Variants in DLEU7 observed in about 807,000 individuals in gnomAD.
The protein encoded by DLEU7 is leukemia-associated protein 7.
Under a neutral mutation model 16.0 loss-of-function variants are expected in DLEU7, and 17 were observed. The ratio of observed to expected loss-of-function variants is 1.06; its 90% confidence interval spans 0.73 to 1.59. The LOEUF is 1.59. Ranked by LOEUF, DLEU7 falls within the 40% of genes most tolerant of loss-of-function variation. DLEU7 has a pLI of 0.00. For missense variants in DLEU7, 308 were observed against 314.9 expected, an observed-to-expected ratio of 0.98 and a Z score of 0.17; for synonymous variants, 113 against 139.8, an observed-to-expected ratio of 0.81 and a Z score of 1.35.
chr13:50,806,948 G>C (rs1876405826), intron 1 of DLEU7, among the ~76,000 whole-genome samples: 1 of 129,684 alleles, frequency 7.7e-6, no homozygotes, highest in East Asian at 2.1e-4. Flanking sequence ...CTGCACTCTA[G>C]CCTGGGTGAC....
At chr13:50,712,770 C>A (rs532534465) in exon 2 of DLEU7, 65 of 162,416 alleles carry the variant, frequency 4.0e-4, no homozygotes, top group Non-Finnish European at 8.2e-4. Flanking sequence ...CCTCTATCTC[C>A]TTTTGAATTC....
At chr13:50,762,185 G>A (rs1415490058) in intron 1 of DLEU7, among the ~76,000 whole-genome samples, 2 of 85,916 alleles carry the variant, frequency 2.3e-5, no homozygotes, top group Non-Finnish European at 4.0e-5. Flanking sequence ...AGCGAGACTC[G>A]TCTCAAAAAA....
At chr13:50,804,743 G>T (rs1401340152) in intron 1 of DLEU7, among the ~76,000 whole-genome samples, 1 of 152,046 alleles carries the variant, frequency 6.6e-6, no homozygotes, top group Non-Finnish European at 1.5e-5. Flanking sequence ...ACCACGTCCA[G>T]CCAGTTAAAG....
intron 1 of DLEU7, among the ~76,000 whole-genome samples, chr13:50,781,685 AC>A (rs1875652592): frequency 6.6e-6 from 1 of 152,042 alleles, no homozygotes; most frequent in Non-Finnish European, 1.5e-5. Context: ...GATCTAGACC[AC>A]GCCTGTCTTT....
At chr13:50,830,860 C>T (rs181587467) in intron 1 of DLEU7, among the ~76,000 whole-genome samples, 1 of 152,104 alleles carries the variant, frequency 6.6e-6, no homozygotes, top group Non-Finnish European at 1.5e-5. Context: ...TTCATTCCTT[C>T]AAGAGCACTG....
chr13:50,817,846 A>G (rs920659541), intron 1 of DLEU7, among the ~76,000 whole-genome samples: 1 of 152,074 alleles, frequency 6.6e-6, no homozygotes, highest in Non-Finnish European at 1.5e-5. Context: ...AGATAAGCTG[A>G]TCTGGGAGCT....
chr13:50,741,108 G>A (rs111547817), intron 1 of DLEU7, among the ~76,000 whole-genome samples: 200 of 152,246 alleles, frequency 1.3e-3, no homozygotes, highest in African/African-American at 3.6e-3. Flanking sequence ...TCTTCTCAAC[G>A]TATTTCTACT....
chr13:50,715,746 C>T (rs1349039133), intron 1 of DLEU7, among the ~76,000 whole-genome samples: 4 of 152,210 alleles, frequency 2.6e-5, no homozygotes, highest in Admixed American at 1.3e-4. Context: ...CCGAAGATTC[C>T]ACTTGAGAAA....
chr13:50,768,206 G>A (rs991181111), intron 1 of DLEU7, among the ~76,000 whole-genome samples: 3 of 152,002 alleles, frequency 2.0e-5, no homozygotes, highest in Admixed American at 6.6e-5. Context: ...TTATGTATGT[G>A]TGTGTGTACG....
intron 1 of DLEU7, among the ~76,000 whole-genome samples, chr13:50,748,797 C>G (rs1039139236): frequency 1.3e-5 from 2 of 152,102 alleles, no homozygotes; most frequent in South Asian, 4.1e-4. Context: ...AAAAGAGAGG[C>G]GAAATATCTA....
chr13:50,790,116 A>G (rs1211126913), intron 1 of DLEU7, among the ~76,000 whole-genome samples: 1 of 151,944 alleles, frequency 6.6e-6, no homozygotes, highest in Non-Finnish European at 1.5e-5. Flanking sequence ...TATTTTTAGT[A>G]GAGATGGGAT....
intron 1 of DLEU7, among the ~76,000 whole-genome samples, chr13:50,769,183 A>G (rs1875219032): frequency 6.6e-6 from 1 of 152,232 alleles, no homozygotes; most frequent in Non-Finnish European, 1.5e-5. Flanking sequence ...GATTCTGAAT[A>G]TTAGCCCTTT....
intron 1 of DLEU7, among the ~76,000 whole-genome samples, chr13:50,773,285 A>G (rs982975121): frequency 6.6e-6 from 1 of 152,194 alleles, no homozygotes; most frequent in Admixed American, 6.5e-5. Flanking sequence ...CATCAAAGTC[A>G]TTCTCTATCC....
chr13:50,720,405 C>T (rs1019108999), intron 1 of DLEU7, among the ~76,000 whole-genome samples: 8 of 152,170 alleles, frequency 5.3e-5, no homozygotes, highest in Admixed American at 2.0e-4. Flanking sequence ...CAGGCTGAAA[C>T]ATCCTTTAGG....
Position 50,762,375 on chromosome 13 carries a change from G to C in DLEU7, c.460-49135C>G, listed in dbSNP as rs573012223. 1.2e-3 allele frequency among the ~76,000 whole-genome samples: 181 copies of C among 152,150 alleles called. 1 individual carries two copies. The highest frequency in any genetic ancestry group is 4.0e-3 in the African/African-American group (167 of 41,518). On this transcript the variant is annotated intron_variant, in intron 1 of 1. Transcript: ENST00000400393. ...CTGCATGAATTAATGCCTACTCCTGGAGCATTATAATTAAAATACAGACTT... is the reference window on the plus strand; with the variant it reads ...CTGCATGAATTAATGCCTACTCCTGCAGCATTATAATTAAAATACAGACTT...
At chr13:50,799,899 G>A (rs1397865251) in intron 1 of DLEU7, among the ~76,000 whole-genome samples, 2 of 152,166 alleles carry the variant, frequency 1.3e-5, no homozygotes, top group African/African-American at 2.4e-5. Context: ...GTCCTGCGTT[G>A]CTGAAGATTT....
At chr13:50,777,619 ACT>A (rs946138722) in intron 1 of DLEU7, among the ~76,000 whole-genome samples, 36 of 151,994 alleles carry the variant, frequency 2.4e-4, no homozygotes, top group African/African-American at 8.4e-4. Flanking sequence ...CTAATATAAG[ACT>A]CTATCACATT....
intron 1 of DLEU7, among the ~76,000 whole-genome samples, chr13:50,732,366 T>G (rs1873934682): frequency 6.6e-6 from 1 of 152,050 alleles, no homozygotes; most frequent in Non-Finnish European, 1.5e-5. Context: ...ATCCCAGCAC[T>G]TTGGGAGGCT....
intron 1 of DLEU7, among the ~76,000 whole-genome samples, chr13:50,792,991 C>A (rs1876008854): frequency 6.6e-6 from 1 of 151,880 alleles, no homozygotes; most frequent in Non-Finnish European, 1.5e-5. Flanking sequence ...GAATATAATA[C>A]CCCACAGGTA....
Sources: gnomAD v4.1 joint callset for allele counts (sites outside exome capture counted in the v4.1 genomes callset) on GRCh38, gnomAD v4.1.1 for gene constraint, MANE v1.5 for transcripts, NCBI Gene and HGNC (gene_info 2026-07-23, HGNC 2026-07-21) for gene names.